Variants in PTPRT observed in about 807,000 individuals in gnomAD.
PTPRT encodes the protein protein tyrosine phosphatase receptor type T.
PTPRT carries 56 observed loss-of-function variants against 176.8 expected under a neutral mutation model. The ratio of observed to expected loss-of-function variants is 0.32; its 90% CI spans 0.26 to 0.40. The LOEUF (loss-of-function observed/expected upper bound fraction) is 0.40, where lower values mean the gene tolerates loss of function less well. Among genes scored for constraint, PTPRT ranks in the 10% least tolerant of loss-of-function variants. PTPRT has a pLI of 1.00. For synonymous variants in PTPRT, 783 were observed against 739.0 expected (o/e 1.06, Z -0.96); for missense variants, 1,540 against 1,908.2 (o/e 0.81, Z 3.60).
intron 6 of PTPRT, among the ~76,000 whole-genome samples, chr20:42,694,537 T>A (rs1430102371): frequency 6.6e-6 from 1 of 152,212 alleles, no homozygotes; most frequent in Non-Finnish European, 1.5e-5. Flanking sequence ...TGTGTGAACA[T>A]AAGTTTTCAT....
intron 16 of PTPRT, among the ~76,000 whole-genome samples, chr20:42,162,220 T>C (rs1361803907): frequency 6.6e-6 from 1 of 152,222 alleles, no homozygotes; most frequent in Non-Finnish European, 1.5e-5. Flanking sequence ...GTGGCATCAC[T>C]GAACCCACTT....
chr20:43,156,538 G>C (rs1339897689), intron 1 of PTPRT, among the ~76,000 whole-genome samples: 1 of 152,170 alleles, frequency 6.6e-6, no homozygotes, highest in Non-Finnish European at 1.5e-5. Context: ...TGAGGAGAAA[G>C]TCTTCTCCCA....
At chr20:42,756,684 G>A in intron 5 of PTPRT, 48 bp from the exon 6 acceptor site, 3 of 1,451,114 alleles carry the variant, frequency 2.1e-6, no homozygotes, top group Non-Finnish European at 2.8e-6. Flanking sequence ...AGCATCATAG[G>A]CTTCTAGGTG....
At chr20:42,463,048 C>T (rs1601071739) in intron 8 of PTPRT, among the ~76,000 whole-genome samples, 1 of 152,238 alleles carries the variant, frequency 6.6e-6, no homozygotes, top group Middle Eastern at 3.4e-3. Flanking sequence ...AGGCTGTCAT[C>T]GCATCTTTAA....
At chr20:42,818,105 G>A (rs1006565203) in intron 2 of PTPRT, among the ~76,000 whole-genome samples, 4 of 152,102 alleles carry the variant, frequency 2.6e-5, no homozygotes, top group African/African-American at 4.8e-5. Context: ...CCCTATACAG[G>A]AGCAACCCTA....
At chr20:42,762,858 ATCTC>A (rs918062704) in intron 5 of PTPRT, among the ~76,000 whole-genome samples, 1 of 152,134 alleles carries the variant, frequency 6.6e-6, no homozygotes, top group African/African-American at 2.4e-5. Flanking sequence ...TGCCTTTGAA[ATCTC>A]TCTTTTTCTT....
chr20:42,248,709 C>G lies in PTPRT; in HGVS notation c.2290G>C (p.Val764Leu), dbSNP rs747289224. 6.2e-7 allele frequency: 1 copy of G among 1,613,950 alleles called. No individual in the cohort carries two copies. The highest frequency in any genetic ancestry group is 8.5e-7 in the Non-Finnish European group (1 of 1,179,906). Residue 764 changes from valine to leucine, a missense_variant, in exon 14 of 31, where the codon GTG (valine) becomes CTG (leucine). By Grantham distance (32) the Val-to-Leu change is conservative (BLOSUM62 1). Coordinates refer to ENST00000373187, the MANE Select transcript of PTPRT (RefSeq NM_007050.6). ...LLMFIIILLG[V>L]MLTIKRRRNA... ...CACCTCCTTTTGATGGTGAGCATCACGCCCAGGAGAATGATGATGAACATG... is the reference window on the plus strand; with the variant it reads ...CACCTCCTTTTGATGGTGAGCATCAGGCCCAGGAGAATGATGATGAACATG...
chr20:42,352,036 G>T (rs1371838570), intron 10 of PTPRT, 48 bp downstream of exon 10: 1 of 1,566,884 alleles, frequency 6.4e-7, no homozygotes, highest in Non-Finnish European at 8.8e-7. Context: ...AAATCAGGAA[G>T]TGGGGGTGAA....
At chr20:42,194,213 T>G (rs1333755576) in intron 16 of PTPRT, among the ~76,000 whole-genome samples, 2 of 152,146 alleles carry the variant, frequency 1.3e-5, no homozygotes, top group African/African-American at 4.8e-5. Context: ...ACTACCTCTC[T>G]CCCCAGACCG....
intron 2 of PTPRT, among the ~76,000 whole-genome samples, chr20:42,856,681 T>C (rs1371305412): frequency 2.0e-5 from 3 of 151,960 alleles, no homozygotes; most frequent in Non-Finnish European, 4.4e-5. Context: ...CCTGAACATG[T>C]GACGGCACAG....
chr20:42,633,459 C>T (rs1485603386), intron 7 of PTPRT, among the ~76,000 whole-genome samples: 1 of 151,874 alleles, frequency 6.6e-6, no homozygotes, highest in Non-Finnish European at 1.5e-5. Flanking sequence ...CCCAATCTAA[C>T]ACTTCGTTGT....
chr20:42,084,964 A>C, intron 28 of PTPRT, 119 bp from the exon 29 acceptor site: 1 of 832,610 alleles, frequency 1.2e-6, no homozygotes, highest in Non-Finnish European at 1.6e-6. Context: ...GATCTAAGCC[A>C]TGTCCTCACG....
rs1555797922 is a variant in PTPRT, at chr20:42,184,518, C to CCTCCTTCTTCTT, written c.2491+14721_2491+14722insAAGAAGAAGGAG. Among the ~76,000 whole-genome samples the CCTCCTTCTTCTT allele has an allele frequency of 3.8e-3, 206 of 54,462 alleles. 1 individual carries two copies. Among genetic ancestry groups the CCTCCTTCTTCTT allele is most frequent in the Non-Finnish European group, 4.2e-3 (91 of 21,624 alleles). The allele number at this position is 54,462 out of a possible 152,430, so 35.7% of individuals were successfully genotyped here. A position where few individuals can be genotyped will look rare whatever the true frequency, so the allele number is the denominator to read the frequency against. On this transcript the variant is annotated intron_variant, in intron 16 of 30. Coordinates refer to ENST00000373187, the MANE Select transcript of PTPRT (RefSeq NM_007050.6). ...CTCCCCCCTTCCTCCTCCTCCTCCT[C>CCTCCTTCTTCTT]CTTCTTCTTCTTCTTCCTCTTCCTC...
At chr20:42,563,871 G>C (rs1042861601) in intron 7 of PTPRT, among the ~76,000 whole-genome samples, 6 of 152,144 alleles carry the variant, frequency 3.9e-5, no homozygotes, top group African/African-American at 1.2e-4. Flanking sequence ...TTTAACACAA[G>C]AAAGATTTCT....
Position 42,161,439 on chromosome 20 carries a change from G to T in PTPRT, c.2595C>A (p.Phe865Leu), listed in dbSNP as rs1037175540. ...AGTCAGCCACCCGGATGGCGGGTTG[G>T]AACTGGTCCCGGGGGTAGCTCATCT... Reference protein sequence around the residue: ...PVEMSYPRDQFQPAIRVADLL... With the variant: ...PVEMSYPRDQLQPAIRVADLL... The change falls in exon 17 of 31, where the codon TTC becomes TTA. Residue 865 changes from phenylalanine to leucine, a missense_variant. This residue lies in a region of PTPRT where 255 missense variants were observed against 250.1 expected (regional missense o/e 1.02). Coordinates refer to ENST00000373187, the MANE Select transcript of PTPRT (RefSeq NM_007050.6). The T allele has an allele frequency of 3.1e-6, 5 of 1,614,188 alleles. No homozygotes were observed. The highest frequency in any genetic ancestry group is 4.2e-6 in the Non-Finnish European group (5 of 1,180,034).
Position 42,386,433 on chromosome 20 carries a change from G to C in PTPRT, c.1561-34148C>G, listed in dbSNP as rs184412852. 6.6e-5 allele frequency among the ~76,000 whole-genome samples: 10 copies of C among 152,296 alleles called. No individual in the cohort carries two copies. The East Asian group carries it at 1.9e-3, about 29-fold the overall frequency. On this transcript the variant is annotated intron_variant, in intron 9 of 30. Transcript: ENST00000373187. ...CCTCTGGAGGTACAGGATGAGGGATGGTCTTAGGACAGGCTGGCTCTCAAA... is the reference window on the plus strand; with the variant it reads ...CCTCTGGAGGTACAGGATGAGGGATCGTCTTAGGACAGGCTGGCTCTCAAA...
At chr20:42,738,677 T>C (rs1359991040) in intron 6 of PTPRT, among the ~76,000 whole-genome samples, 6 of 152,200 alleles carry the variant, frequency 3.9e-5, no homozygotes, top group Non-Finnish European at 7.3e-5. Context: ...GCATAACAGG[T>C]ATTTAATAAA....
intron 2 of PTPRT, among the ~76,000 whole-genome samples, chr20:42,849,522 C>T (rs1181466159): frequency 6.6e-6 from 1 of 152,170 alleles, no homozygotes; most frequent in East Asian, 1.9e-4. Flanking sequence ...ACTCCCTCCT[C>T]ACATGCCCCT....
intron 1 of PTPRT, among the ~76,000 whole-genome samples, chr20:42,916,595 T>C (rs1211197617): frequency 2.0e-5 from 3 of 152,306 alleles, no homozygotes; most frequent in Admixed American, 2.0e-4. Flanking sequence ...TGTAAAAGTG[T>C]TCCTATTTCT....
Sources: gnomAD v4.1 joint callset for allele counts (sites outside exome capture counted in the v4.1 genomes callset) on GRCh38, gnomAD v4.1.1 for gene constraint, gnomAD v4.1.1 regional missense constraint, MANE v1.5 for transcripts, NCBI Gene and HGNC (gene_info 2026-07-23, HGNC 2026-07-21) for gene names.